MTHFD1L: variants seen among roughly 807,000 people sequenced by gnomAD.
MTHFD1L encodes methylenetetrahydrofolate dehydrogenase (NADP+ dependent) 1 like, also known as monofunctional C1-tetrahydrofolate synthase, mitochondrial.
MTHFD1L carries 81 observed loss-of-function variants against 119.5 expected under a neutral mutation model. That is an observed-to-expected ratio of 0.68 (90% CI 0.57 to 0.82). The LOEUF is 0.82. Among genes scored for constraint, MTHFD1L ranks in the 40% least tolerant of loss-of-function variants. MTHFD1L has a pLI of 0.00. For synonymous variants in MTHFD1L, 430 were observed against 475.2 expected, an observed-to-expected ratio of 0.90 and a Z score of 1.24; for missense variants, 1,125 against 1,253.4, an observed-to-expected ratio of 0.90 and a Z score of 1.55.
chr6:150,937,589 T>G (rs1192503672), intron 12 of MTHFD1L, among the ~76,000 whole-genome samples: 1 of 152,204 alleles, frequency 6.6e-6, no homozygotes, highest in Non-Finnish European at 1.5e-5. Context: ...TAATAACGTA[T>G]CTCATAAAGT....
At chr6:151,086,080 A>T (rs1365225194) in intron 26 of MTHFD1L, among the ~76,000 whole-genome samples, 1 of 152,168 alleles carries the variant, frequency 6.6e-6, no homozygotes, top group Non-Finnish European at 1.5e-5. Context: ...ATCAGCCACC[A>T]TGAGAGAGAA....
intron 1 of MTHFD1L, among the ~76,000 whole-genome samples, chr6:150,867,473 G>A (rs533532863): frequency 8.5e-5 from 13 of 152,314 alleles, no homozygotes; most frequent in Admixed American, 5.9e-4. Flanking sequence ...TTACACGTCA[G>A]GTCATTAGGT....
intron 6 of MTHFD1L, among the ~76,000 whole-genome samples, chr6:150,887,126 A>G (rs1048589564): frequency 6.6e-6 from 1 of 152,218 alleles, no homozygotes; most frequent in African/African-American, 2.4e-5. Context: ...TTTCAAAAAT[A>G]TATGGCAAAG....
chr6:150,866,344 C>T, intron 1 of MTHFD1L: 3 of 1,440,756 alleles, frequency 2.1e-6, no homozygotes, highest in Non-Finnish European at 2.7e-6. Context: ...CGTGCGCAGC[C>T]GGCCGCCGGC....
At position 151,034,620 on chromosome 6, in the gene MTHFD1L, G is replaced by A. The variant is rs560754582; in HGVS notation, c.2694+20G>A. ...CAACAGGTAAAAGTTCTACTTTTAG[G>A]GGAAAAGAAAAAATTCACCTTAGGC... On this transcript the variant is annotated intron_variant, in intron 25 of 27. Coordinates refer to ENST00000367321, the MANE Select transcript of MTHFD1L (RefSeq NM_015440.5). 1.3e-6 allele frequency: 2 copies of A among 1,525,148 alleles called. No individual in the cohort carries two copies. The highest frequency in any genetic ancestry group is 2.3e-5 in the South Asian group (2 of 88,810). 94.5% of individuals were successfully genotyped at this position (1,525,148 alleles called of 1,614,324 possible).
chr6:150,879,999 G>A (rs1583340225), intron 4 of MTHFD1L, among the ~76,000 whole-genome samples: 1 of 152,290 alleles, frequency 6.6e-6, no homozygotes, highest in Non-Finnish European at 1.5e-5. Flanking sequence ...AATTGTGCAT[G>A]TGTGTGGGGT....
At chr6:151,085,903 G>T (rs182323765) in intron 26 of MTHFD1L, among the ~76,000 whole-genome samples, 1 of 151,764 alleles carries the variant, frequency 6.6e-6, no homozygotes, top group Non-Finnish European at 1.5e-5. Flanking sequence ...ACTGGGTCCT[G>T]GTCACCTGGG....
At chr6:151,078,838 C>G (rs565019085) in intron 26 of MTHFD1L, among the ~76,000 whole-genome samples, 8 of 152,210 alleles carry the variant, frequency 5.3e-5, no homozygotes, top group Non-Finnish European at 1.2e-4. Context: ...CAGGGAGGGA[C>G]TCACTGGGAG....
chr6:150,952,665 GACT>G (rs1195167597), intron 16 of MTHFD1L, among the ~76,000 whole-genome samples: 1 of 152,108 alleles, frequency 6.6e-6, no homozygotes, highest in Non-Finnish European at 1.5e-5. Context: ...GAGTAGCTGG[GACT>G]ACAGGCATGC....
At chr6:150,975,335 C>A (rs913002863) in intron 20 of MTHFD1L, among the ~76,000 whole-genome samples, 2 of 152,168 alleles carry the variant, frequency 1.3e-5, no homozygotes, top group African/African-American at 4.8e-5. Context: ...TGTTGGAATG[C>A]TGGTGGCAAA....
intron 1 of MTHFD1L, chr6:150,866,471 G>C (rs2128706438): frequency 7.6e-7 from 1 of 1,319,362 alleles, no homozygotes; most frequent in South Asian, 2.0e-5. Context: ...CGGCGCGCCG[G>C]CTGGCCCGGG....
At chr6:151,048,000 G>A (rs1279526129) in intron 26 of MTHFD1L, among the ~76,000 whole-genome samples, 153 of 152,236 alleles carry the variant, frequency 1.0e-3, no homozygotes, top group Non-Finnish European at 1.9e-3. Flanking sequence ...GAGTGAAGGG[G>A]CAGTGCCACA....
At chr6:151,010,602 A>G (rs73780311) in intron 21 of MTHFD1L, among the ~76,000 whole-genome samples, 3,037 of 152,302 alleles carry the variant, frequency 0.02, 88 homozygotes, top group African/African-American at 0.067. Context: ...ATATATATAG[A>G]AATTACAGAC....
chr6:151,071,497 G>C (rs931215322), intron 26 of MTHFD1L, among the ~76,000 whole-genome samples: 1 of 152,100 alleles, frequency 6.6e-6, no homozygotes, highest in African/African-American at 2.4e-5. Flanking sequence ...ATTTGAGAAT[G>C]TGCCATCATA....
rs200722924 is a variant in MTHFD1L, at chr6:151,092,521, G to C, written c.2902G>C (p.Asp968His). ...TRPCFYDIDL[D>H]TETEQVKGLF Reference sequence around the variant, plus strand: ...GCCCTGCTTTTATGACATAGATCTTGATACCGAAACAGAACAAGTTAAAGG... The same window carrying C: ...GCCCTGCTTTTATGACATAGATCTTCATACCGAAACAGAACAAGTTAAAGG... The change falls in exon 27 of 28, where the codon GAT becomes CAT. Residue 968 changes from aspartate (D) to histidine (H), a missense_variant. Coordinates refer to ENST00000367321, the MANE Select transcript of MTHFD1L (RefSeq NM_015440.5). The C allele has an allele frequency of 3.7e-6, 6 of 1,614,142 alleles. No homozygotes were observed. Among genetic ancestry groups the C allele is most frequent in the Admixed American group, 3.3e-5 (2 of 60,016 alleles).
At chr6:151,036,626 C>T (rs1019228993) in intron 25 of MTHFD1L, among the ~76,000 whole-genome samples, 27 of 152,154 alleles carry the variant, frequency 1.8e-4, no homozygotes, top group African/African-American at 4.6e-4. Flanking sequence ...TGCTGGGTCC[C>T]GGATATTAAT....
chr6:151,078,110 A>G (rs1325092670), intron 26 of MTHFD1L, among the ~76,000 whole-genome samples: 1 of 151,498 alleles, frequency 6.6e-6, no homozygotes, highest in East Asian at 1.9e-4. Flanking sequence ...AACCATCATG[A>G]AGTGTGATAA....
At chr6:151,007,727 A>T (rs903837825) in intron 20 of MTHFD1L, among the ~76,000 whole-genome samples, 1 of 152,200 alleles carries the variant, frequency 6.6e-6, no homozygotes, top group African/African-American at 2.4e-5. Flanking sequence ...TTTGGGGTCC[A>T]TGATGCCACC....
intron 16 of MTHFD1L, among the ~76,000 whole-genome samples, chr6:150,954,074 C>T (rs900721207): frequency 6.6e-6 from 1 of 152,136 alleles, no homozygotes; most frequent in African/African-American, 2.4e-5. Flanking sequence ...TAACAACAGC[C>T]GAGTCAGGGA....
Sources: gnomAD v4.1 joint callset for allele counts (sites outside exome capture counted in the v4.1 genomes callset) on GRCh38, gnomAD v4.1.1 for gene constraint, MANE v1.5 for transcripts, NCBI Gene and HGNC (gene_info 2026-07-23, HGNC 2026-07-21) for gene names.